The following SPOPL variants were observed in gnomAD, a reference collection of about 807,000 sequenced individuals.
SPOPL encodes speckle-type POZ protein-like.
In SPOPL, 23 loss-of-function variants were observed where a neutral mutation model predicts 53.8. The ratio of observed to expected loss-of-function variants is 0.43; its 90% CI spans 0.31 to 0.61. SPOPL has a LOEUF of 0.61. Ranked by LOEUF, SPOPL falls within the 20% of genes least tolerant of loss-of-function variation. The pLI, the probability that SPOPL is intolerant of heterozygous loss-of-function variation, is 0.12. For synonymous variants in SPOPL, 164 were observed against 149.7 expected (o/e 1.10, Z -0.70); for missense variants, 442 against 466.9 (o/e 0.95, Z 0.49).
intron 4 of SPOPL, among the ~76,000 whole-genome samples, chr2:138,551,972 T>A (rs1241669661): frequency 6.6e-6 from 1 of 152,016 alleles, no homozygotes; most frequent in Non-Finnish European, 1.5e-5. Flanking sequence ...TATGAAAAAT[T>A]CTTTTTAGGG....
rs753742213 is a variant in SPOPL at position 138,559,086 on chromosome 2, C to T, written c.545C>T (p.Pro182Leu). 1.9e-6 allele frequency: 3 copies of T among 1,613,654 alleles called. No homozygotes were observed. In the Admixed American group the frequency reaches 5.0e-5, roughly 27 times the overall value. ...GHTNTNTLKVPECRLAEDLGN... is the reference protein window; with the variant it reads ...GHTNTNTLKVLECRLAEDLGN... ...ACTAATACAAATACTTTGAAGGTGC[C>T]TGAGTGTCGTCTAGCAGAAGATTTA... is the stretch of plus-strand genomic sequence containing the variant. The change falls in exon 6 of 11, where the codon CCT (proline) becomes CTT (leucine). Residue 182 changes from proline to leucine, a missense_variant. Pro to Leu is a moderately conservative substitution (Grantham distance 98). Coordinates refer to ENST00000280098, the MANE Select transcript of SPOPL (RefSeq NM_001001664.3).
rs1685779813 is a variant in SPOPL at position 138,571,480 on chromosome 2, C to G, written c.*2400C>G. 1 of 152,408 alleles carries G rather than the reference C, an allele frequency of 6.6e-6. No individual in the cohort carries two copies. The highest frequency in any genetic ancestry group is 2.1e-4 in the South Asian group (1 of 4,834). The allele number at this position is 152,408 out of a possible 1,614,324, so 9.4% of individuals were successfully genotyped here. A position where few individuals can be genotyped will look rare whatever the true frequency, so the allele number is the denominator to read the frequency against. On this transcript the variant is annotated 3_prime_UTR_variant, in exon 11 of 11. Transcript: ENST00000280098. ...ATATCCATGTTTGTAGAAATGTCCA[C>G]TTTTCAGATAATATAATGCCTACCA...
intron 1 of SPOPL, among the ~76,000 whole-genome samples, chr2:138,502,976 G>T (rs973364070): frequency 1.3e-5 from 2 of 152,100 alleles, no homozygotes; most frequent in Non-Finnish European, 2.9e-5. Flanking sequence ...GGCTTCTGAT[G>T]CTTTGTCTAT....
intron 1 of SPOPL, among the ~76,000 whole-genome samples, chr2:138,525,592 G>C (rs918779927): frequency 6.6e-6 from 1 of 150,412 alleles, no homozygotes; most frequent in African/African-American, 2.5e-5. Context: ...CAGGATGATT[G>C]CTCAGGGCCA....
intron 1 of SPOPL, among the ~76,000 whole-genome samples, chr2:138,518,150 A>G (rs1684485801): frequency 6.6e-6 from 1 of 151,970 alleles, no homozygotes; most frequent in South Asian, 2.1e-4. Context: ...ATTTTGTTAA[A>G]AAAAAAAGAA....
chr2:138,520,268 T>C (rs571279425), intron 1 of SPOPL, among the ~76,000 whole-genome samples: 32 of 152,346 alleles, frequency 2.1e-4, no homozygotes, highest in South Asian at 8.3e-4. Flanking sequence ...TTGCTGAAAT[T>C]TGCAAAACTT....
chr2:138,513,573 A>T (rs909619774), intron 1 of SPOPL, among the ~76,000 whole-genome samples: 8 of 151,880 alleles, frequency 5.3e-5, no homozygotes, highest in East Asian at 1.9e-4. Context: ...AAATAAAAAT[A>T]AAATTAAAAA....
chr2:138,515,866 C>G (rs1180661769), intron 1 of SPOPL, among the ~76,000 whole-genome samples: 3 of 152,134 alleles, frequency 2.0e-5, no homozygotes, highest in Non-Finnish European at 4.4e-5. Context: ...CTGCAAAGTA[C>G]TGTTTTAAGG....
In SPOPL at chr2:138,552,632, A is replaced by G. The variant is rs199610841; in HGVS notation, c.431A>G (p.Asp144Gly). The G allele has an allele frequency of 7.3e-5, 118 of 1,613,036 alleles. No individual in the cohort carries two copies. The highest frequency in any genetic ancestry group is 9.0e-5 in the Non-Finnish European group (106 of 1,179,346). ...TTCATTAGAAGGGACTTTTTGCTTG[A>G]TGAAGCTAATGGTCTTTTACCAGAT... ...KKFIRRDFLL[D>G]EANGLLPDDK... Residue 144 changes from aspartate (D) to glycine (G), a missense_variant, in exon 5 of 11, where the codon GAT becomes GGT. Physicochemically the swap from Asp to Gly is moderately conservative, Grantham distance 94. Transcript: ENST00000280098.
At chr2:138,552,470 A>C (rs1043980338) in intron 4 of SPOPL, 84 bp from the exon 5 acceptor site, 15 of 1,471,260 alleles carry the variant, frequency 1.0e-5, no homozygotes, top group African/African-American at 1.4e-5. Context: ...TCCTGTTTTC[A>C]CACATTTTAT....
intron 1 of SPOPL, among the ~76,000 whole-genome samples, chr2:138,518,562 C>T (rs906041918): frequency 2.0e-5 from 3 of 152,166 alleles, no homozygotes; most frequent in South Asian, 2.1e-4. Flanking sequence ...CAGTGAGTTT[C>T]GAAGGAGGTA....
intron 5 of SPOPL, chr2:138,554,290 T>C (rs1685375976): frequency 4.9e-6 from 1 of 202,066 alleles, no homozygotes; most frequent in Non-Finnish European, 9.3e-6. Flanking sequence ...CATTTTTGGA[T>C]CCTGAAATAT....
In SPOPL at chr2:138,556,185, GATAATACTGTGTAGATAGGT is replaced by G. The variant is rs1685420931; in HGVS notation, c.481-2834_481-2815del. Among the ~76,000 whole-genome samples, 3 of 152,070 alleles carry G rather than the reference GATAATACTGTGTAGATAGGT, an allele frequency of 2.0e-5. No homozygotes were observed. In the South Asian group the frequency reaches 6.2e-4, roughly 32 times the overall value. ...CTTAGTTAAAATTTGTGGTTGCTGT[GATAATACTGTGTAGATAGGT>G]ATGTCAGTAATACAGATCTTCTGAA... is the stretch of plus-strand genomic sequence containing the variant. On this transcript the variant is annotated intron_variant, in intron 5 of 10. Transcript: ENST00000280098.
intron 1 of SPOPL, among the ~76,000 whole-genome samples, chr2:138,541,758 A>G (rs554207619): frequency 1.3e-5 from 2 of 151,844 alleles, no homozygotes; most frequent in Non-Finnish European, 2.9e-5. Flanking sequence ...CTGATCTTAG[A>G]TATTTCTTGC....
intron 1 of SPOPL, among the ~76,000 whole-genome samples, chr2:138,520,291 C>T (rs1406909829): frequency 2.0e-5 from 3 of 152,186 alleles, no homozygotes; most frequent in African/African-American, 7.2e-5. Context: ...TAGGCCAGTG[C>T]TCAAGTAAAT....
chr2:138,550,815 CTCTCTCTCTCTT>C (rs1298328965), intron 3 of SPOPL, 76 bp from the exon 4 acceptor site: 2 of 1,410,464 alleles, frequency 1.4e-6, no homozygotes, highest in Non-Finnish European at 1.9e-6. Flanking sequence ...TTTCAGTGTT[CTCTCTCTCTCTT>C]TCTCTCTCTC....
chr2:138,544,040 G>C (rs1225707485), intron 1 of SPOPL, among the ~76,000 whole-genome samples: 1 of 152,202 alleles, frequency 6.6e-6, no homozygotes, highest in East Asian at 1.9e-4. Flanking sequence ...GGAGGCTGCA[G>C]AACAGCGGAT....
intron 1 of SPOPL, among the ~76,000 whole-genome samples, chr2:138,511,253 G>A (rs1684316867): frequency 6.6e-6 from 1 of 152,000 alleles, no homozygotes; most frequent in Non-Finnish European, 1.5e-5. Flanking sequence ...TATTTTTACT[G>A]TTGTCTCTCT....
intron 1 of SPOPL, among the ~76,000 whole-genome samples, chr2:138,529,647 C>G (rs1196146493): frequency 6.6e-6 from 1 of 152,088 alleles, no homozygotes; most frequent in Non-Finnish European, 1.5e-5. Context: ...TTTATGTTTT[C>G]TACTTCTAAG....
Sources: allele counts gnomAD v4.1 joint callset (sites outside exome capture counted in the v4.1 genomes callset), GRCh38; gene constraint gnomAD v4.1.1; transcripts MANE v1.5; gene names NCBI Gene and HGNC (gene_info 2026-07-23, HGNC 2026-07-21).